The following ARMH4 variants were observed in gnomAD, a reference collection of about 807,000 sequenced individuals.
The protein encoded by ARMH4 is armadillo-like helical domain-containing protein 4.
A neutral mutation model predicts 61.9 loss-of-function variants in ARMH4; 49 were observed. That is an observed-to-expected ratio of 0.79 (90% CI 0.63 to 1.00). The LOEUF is 1.00. Among genes scored for constraint, ARMH4 ranks in the 50% least tolerant of loss-of-function variants. The pLI is 0.00. For synonymous variants in ARMH4, 368 were observed against 341.5 expected (o/e 1.08, Z -0.85); for missense variants, 934 against 930.0 (o/e 1.00, Z -0.06).
chr14:58,059,028 T>C (rs1046832268), intron 5 of ARMH4, among the ~76,000 whole-genome samples: 1 of 152,204 alleles, frequency 6.6e-6, no homozygotes, highest in Admixed American at 6.5e-5. Context: ...GGGACAGTCC[T>C]TAAGGATTCA....
chr14:58,030,729 A>G (rs1883199030), intron 5 of ARMH4, among the ~76,000 whole-genome samples: 2 of 152,174 alleles, frequency 1.3e-5, no homozygotes, highest in South Asian at 2.1e-4. Context: ...TCTTTTGGGG[A>G]TGGGCTTGTT....
rs187555693 is a variant in ARMH4 at position 58,149,283 on chromosome 14, G to A, written c.-57+2792C>T. On this transcript the variant is annotated intron_variant, in intron 1 of 7. Coordinates refer to ENST00000267485, the MANE Select transcript of ARMH4 (RefSeq NM_001001872.4). ...TGCTACTGACAATCATCACTGGTCT[G>A]TTATATTGGCTTTAGGATCTAGGCT... 4.5e-4 allele frequency among the ~76,000 whole-genome samples: 69 copies of A among 152,248 alleles called. 1 individual carries two copies. The highest frequency in any genetic ancestry group is 4.3e-3 in the Admixed American group (66 of 15,286).
intron 5 of ARMH4, among the ~76,000 whole-genome samples, chr14:58,084,401 G>A (rs768624544): frequency 3.9e-5 from 6 of 152,090 alleles, no homozygotes; most frequent in Non-Finnish European, 8.8e-5. Flanking sequence ...TTTCCCCCGT[G>A]GCAGGACTCA....
At chr14:58,065,293 A>G (rs1884668710) in intron 5 of ARMH4, among the ~76,000 whole-genome samples, 1 of 152,196 alleles carries the variant, frequency 6.6e-6, no homozygotes, top group South Asian at 2.1e-4. Flanking sequence ...CTATGATGTG[A>G]TTGCAGCCTT....
chr14:58,128,082 T>C (rs1886962303), intron 4 of ARMH4, among the ~76,000 whole-genome samples: 2 of 152,174 alleles, frequency 1.3e-5, no homozygotes, highest in Admixed American at 1.3e-4. Context: ...CATGGGGGTA[T>C]ACAGAAAGAA....
intron 5 of ARMH4, among the ~76,000 whole-genome samples, chr14:58,066,809 TAC>T (rs1162078433): frequency 2.0e-5 from 3 of 152,194 alleles, no homozygotes; most frequent in Non-Finnish European, 2.9e-5. Flanking sequence ...ATTAAGTATA[TAC>T]ACTAACCGCA....
chr14:58,089,458 T>C (rs1885489325), intron 5 of ARMH4, among the ~76,000 whole-genome samples: 1 of 152,222 alleles, frequency 6.6e-6, no homozygotes, highest in African/African-American at 2.4e-5. Flanking sequence ...AGTCAAGTGC[T>C]CTGTTTCCAG....
intron 5 of ARMH4, among the ~76,000 whole-genome samples, chr14:58,039,098 T>C (rs7157312): frequency 0.016 from 2,400 of 152,328 alleles, 79 homozygotes; most frequent in African/African-American, 0.056. Flanking sequence ...TGCAGACTCA[T>C]TCCTGTGGGA....
In ARMH4 at chr14:58,001,640, C is replaced by T. The variant is rs758220999; in HGVS notation, c.*3096G>A. ...GTATCTCATTGTGACTTTAAATGAC[C>T]TTGTCTCTATCATAAGGAAGTGGTT... On this transcript the variant is annotated 3_prime_UTR_variant, in exon 8 of 8. Transcript: ENST00000267485. 4.6e-5 allele frequency: 7 copies of T among 152,108 alleles called. No individual in the cohort carries two copies. Among genetic ancestry groups the T allele is most frequent in the Admixed American group, 1.3e-4 (2 of 15,270 alleles). 9.4% of individuals were successfully genotyped at this position (152,108 alleles called of 1,614,324 possible). A position where few individuals can be genotyped will look rare whatever the true frequency, so the allele number is the denominator to read the frequency against.
chr14:58,028,290 C>T (rs923588094), intron 5 of ARMH4, among the ~76,000 whole-genome samples: 2 of 152,176 alleles, frequency 1.3e-5, no homozygotes, highest in Non-Finnish European at 2.9e-5. Context: ...CCTGTACACC[C>T]TGAATTGCAG....
In ARMH4 at chr14:58,029,684, AAAAAAG is replaced by A. The variant is rs145290775; in HGVS notation, c.2090-17540_2090-17535del. 6.1e-3 allele frequency among the ~76,000 whole-genome samples: 933 copies of A among 152,336 alleles called. 12 individuals carry two copies. The highest frequency in any genetic ancestry group is 0.021 in the African/African-American group (870 of 41,560). On this transcript the variant is annotated intron_variant, in intron 5 of 7. Transcript: ENST00000267485. ...CTTCATATCCACTAGGAAGGCCATAAAAAAAGAAAGAGAAAATTAACAAGTGTTAGT... is the reference window on the plus strand; with the variant it reads ...CTTCATATCCACTAGGAAGGCCATAAAAAGAGAAAATTAACAAGTGTTAGT...
chr14:58,068,627 C>T (rs1379344783), intron 5 of ARMH4, among the ~76,000 whole-genome samples: 1 of 152,158 alleles, frequency 6.6e-6, no homozygotes, highest in African/African-American at 2.4e-5. Context: ...TCTCAGCCAG[C>T]AGACAAAAGT....
At chr14:58,044,043 G>C (rs1405876274) in intron 5 of ARMH4, among the ~76,000 whole-genome samples, 1 of 152,072 alleles carries the variant, frequency 6.6e-6, no homozygotes, top group Non-Finnish European at 1.5e-5. Flanking sequence ...TACTGCCCAA[G>C]GTAATTTATA....
intron 4 of ARMH4, among the ~76,000 whole-genome samples, chr14:58,124,929 C>A (rs1330233116): frequency 6.6e-6 from 1 of 152,200 alleles, no homozygotes; most frequent in Non-Finnish European, 1.5e-5. Flanking sequence ...AATATATATA[C>A]AGACTCTAAG....
chr14:58,004,678 C>G lies in ARMH4; in HGVS notation c.*58G>C. ...GGTTGTTCTTTTTTTTTTTCTGCTC[C>G]AAAATAAAAATTAGAATAGTAGCAT... On this transcript the variant is annotated 3_prime_UTR_variant, in exon 8 of 8. Coordinates refer to ENST00000267485, the MANE Select transcript of ARMH4 (RefSeq NM_001001872.4). 7.2e-7 allele frequency: 1 copy of G among 1,390,314 alleles called. No individual in the cohort carries two copies. The highest frequency in any genetic ancestry group is 1.0e-6 in the Non-Finnish European group (1 of 999,658). The allele number at this position is 1,390,314 out of a possible 1,614,324, so 86.1% of individuals were successfully genotyped here. A position where few individuals can be genotyped will look rare whatever the true frequency, so the allele number is the denominator to read the frequency against.
chr14:58,080,359 C>T (rs1885180647), intron 5 of ARMH4, among the ~76,000 whole-genome samples: 1 of 152,082 alleles, frequency 6.6e-6, no homozygotes, highest in South Asian at 2.1e-4. Context: ...AAACTCCCAA[C>T]TTCAGGTGAT....
chr14:58,127,485 T>C (rs1018905315), intron 4 of ARMH4, among the ~76,000 whole-genome samples: 1 of 152,210 alleles, frequency 6.6e-6, no homozygotes, highest in African/African-American at 2.4e-5. Flanking sequence ...GGAACCTCTT[T>C]CACTTTATTA....
intron 5 of ARMH4, among the ~76,000 whole-genome samples, chr14:58,025,068 G>A (rs1386103079): frequency 6.6e-6 from 1 of 152,122 alleles, no homozygotes; most frequent in Non-Finnish European, 1.5e-5. Flanking sequence ...AGGGAAAATT[G>A]CACCAACAGA....
At position 58,137,902 on chromosome 14, in the gene ARMH4, C is replaced by T. The variant is rs1887359692; in HGVS notation, c.1369+88G>A. The T allele has an allele frequency of 6.8e-6, 9 of 1,329,726 alleles. No homozygotes were observed. In the South Asian group the frequency reaches 9.0e-5, roughly 13 times the overall value. The allele number at this position is 1,329,726 out of a possible 1,614,324, so 82.4% of individuals were successfully genotyped here. A position where few individuals can be genotyped will look rare whatever the true frequency, so the allele number is the denominator to read the frequency against. On this transcript the variant is annotated intron_variant, in intron 2 of 7. Transcript: ENST00000267485. ...GCACCTGGCCTGCTTTTCATTAAAA[C>T]TTCAACCTATTTCTAAATTGCCATT...
Sources: gnomAD v4.1 joint callset for allele counts (sites outside exome capture counted in the v4.1 genomes callset) on GRCh38, gnomAD v4.1.1 for gene constraint, MANE v1.5 for transcripts, NCBI Gene and HGNC (gene_info 2026-07-23, HGNC 2026-07-21) for gene names.